Variants in VWC2 observed in about 807,000 individuals in gnomAD.
The protein encoded by VWC2 is von Willebrand factor C domain containing 2, also known as brorin.
Under a neutral mutation model 29.8 loss-of-function variants are expected in VWC2, and 14 were observed. The ratio of observed to expected loss-of-function variants is 0.47; its 90% CI spans 0.31 to 0.74. The LOEUF (loss-of-function observed/expected upper bound fraction) is 0.74. VWC2 is among the 30% of genes least tolerant of loss of function. The probability of loss-of-function intolerance (pLI) is 0.05; values close to 1 mark genes in which losing one functional copy is unlikely to be tolerated. For missense variants in VWC2, 457 were observed against 459.8 expected, an observed-to-expected ratio of 0.99 and a Z score of 0.05; for synonymous variants, 213 against 199.0, an observed-to-expected ratio of 1.07 and a Z score of -0.59.
intron 3 of VWC2, among the ~76,000 whole-genome samples, chr7:49,868,359 G>C: frequency 6.6e-6 from 1 of 152,104 alleles, no homozygotes; most frequent in South Asian, 2.1e-4. Context: ...AAGTATTGAT[G>C]GTTCATTTCC....
chr7:49,822,409 C>T (rs182815802), intron 3 of VWC2, among the ~76,000 whole-genome samples: 5 of 152,148 alleles, frequency 3.3e-5, no homozygotes, highest in Admixed American at 1.3e-4. Flanking sequence ...AGCTGGTGCT[C>T]GGCTTTGTCT....
chr7:49,871,644 G>A (rs1386792716), intron 3 of VWC2, among the ~76,000 whole-genome samples: 1 of 151,904 alleles, frequency 6.6e-6, no homozygotes, highest in East Asian at 1.9e-4. Flanking sequence ...ATATGAGAAT[G>A]GAATGTCATG....
intron 3 of VWC2, among the ~76,000 whole-genome samples, chr7:49,898,584 A>G (rs544421671): frequency 5.4e-4 from 82 of 152,218 alleles, no homozygotes; most frequent in Non-Finnish European, 1.0e-3. Context: ...GTATATACAC[A>G]CACACATATC....
Position 49,783,893 on chromosome 7 carries a change from T to A in VWC2, c.696+7762T>A, listed in dbSNP as rs377440041. On this transcript the variant is annotated intron_variant, in intron 2 of 3. Transcript: ENST00000340652. The stretch of plus-strand genomic sequence containing the variant: ...AGTGAGACCCTGTCTCTAAAAAAAA[T>A]AATAATAATAAAATAAAATAAAGAA... 1.1e-3 allele frequency among the ~76,000 whole-genome samples: 152 copies of A among 144,206 alleles called. No homozygotes were observed. The East Asian group carries it at 0.02, about 19-fold the overall frequency. 94.6% of individuals were successfully genotyped at this position (144,206 alleles called of 152,430 possible).
chr7:49,887,980 C>T (rs763214343), intron 3 of VWC2, among the ~76,000 whole-genome samples: 1 of 151,918 alleles, frequency 6.6e-6, no homozygotes, highest in Non-Finnish European at 1.5e-5. Context: ...TTTCACAATG[C>T]ATTGCCCTTC....
chr7:49,826,693 T>C (rs956209631), intron 3 of VWC2, among the ~76,000 whole-genome samples: 1 of 152,104 alleles, frequency 6.6e-6, no homozygotes, highest in Non-Finnish European at 1.5e-5. Flanking sequence ...TAATGTCTTG[T>C]TGTATACTAC....
intron 2 of VWC2, among the ~76,000 whole-genome samples, chr7:49,800,297 C>T (rs1788708926): frequency 6.6e-6 from 1 of 152,194 alleles, no homozygotes; most frequent in Non-Finnish European, 1.5e-5. Context: ...GGACCTGGAG[C>T]CTTTTTGACG....
intron 2 of VWC2, among the ~76,000 whole-genome samples, chr7:49,778,080 C>T (rs1177384985): frequency 1.3e-5 from 2 of 151,162 alleles, no homozygotes; most frequent in African/African-American, 4.9e-5. Context: ...ACTTACCTAC[C>T]TGAGATCACA....
chr7:49,891,659 G>A (rs1054441586), intron 3 of VWC2, among the ~76,000 whole-genome samples: 6 of 152,094 alleles, frequency 3.9e-5, no homozygotes, highest in African/African-American at 1.2e-4. Context: ...GGATCAACTG[G>A]AGTTCTTATA....
chr7:49,792,930 C>T (rs1455607823), intron 2 of VWC2, among the ~76,000 whole-genome samples: 1 of 152,192 alleles, frequency 6.6e-6, no homozygotes, highest in Non-Finnish European at 1.5e-5. Context: ...GACCAAGTTT[C>T]CCACGTCTCA....
chr7:49,847,715 G>A (rs1789999501), intron 3 of VWC2, among the ~76,000 whole-genome samples: 1 of 152,168 alleles, frequency 6.6e-6, no homozygotes, highest in South Asian at 2.1e-4. Flanking sequence ...GAAGGGGTGA[G>A]GCGGGCTTAG....
intron 3 of VWC2, among the ~76,000 whole-genome samples, chr7:49,900,470 A>C (rs1385345216): frequency 6.6e-6 from 1 of 151,774 alleles, no homozygotes; most frequent in Non-Finnish European, 1.5e-5. Flanking sequence ...AACAAAAGAG[A>C]GGACATCATT....
chr7:49,829,720 A>G (rs1364302850), intron 3 of VWC2, among the ~76,000 whole-genome samples: 5 of 152,200 alleles, frequency 3.3e-5, no homozygotes, highest in Admixed American at 1.3e-4. Context: ...GAGGAGGGCA[A>G]GCTGTGTTAT....
Position 49,864,000 on chromosome 7 carries a change from A to G in VWC2, c.827-48034A>G, listed in dbSNP as rs928007583. ...AAAATATTTTCCCTTTAGTTTTGCA[A>G]AAATCATATATTGTTTATTATAGTG... is the stretch of plus-strand genomic sequence containing the variant. On this transcript the variant is annotated intron_variant, in intron 3 of 3. Transcript: ENST00000340652. 5.3e-5 allele frequency among the ~76,000 whole-genome samples: 8 copies of G among 152,246 alleles called. No individual in the cohort carries two copies. The East Asian group carries it at 1.5e-3, about 29-fold the overall frequency.
intron 3 of VWC2, among the ~76,000 whole-genome samples, chr7:49,853,552 C>T (rs117474973): frequency 0.033 from 4,969 of 151,528 alleles, 306 homozygotes; most frequent in Admixed American, 0.16. Flanking sequence ...TTCTTTATCA[C>T]GGTAGACTAT....
At chr7:49,883,212 C>T (rs889448130) in intron 3 of VWC2, among the ~76,000 whole-genome samples, 4 of 151,956 alleles carry the variant, frequency 2.6e-5, no homozygotes, top group Non-Finnish European at 5.9e-5. Context: ...TCGACTGACC[C>T]GAACCTGCCA....
intron 2 of VWC2, among the ~76,000 whole-genome samples, chr7:49,794,792 G>A (rs1788547840): frequency 6.6e-6 from 1 of 152,020 alleles, no homozygotes; most frequent in Non-Finnish European, 1.5e-5. Context: ...GCATCCTTTG[G>A]ACACCTCTCC....
chr7:49,882,183 TA>T (rs978367735), intron 3 of VWC2, among the ~76,000 whole-genome samples: 2 of 152,172 alleles, frequency 1.3e-5, no homozygotes, highest in African/African-American at 4.8e-5. Flanking sequence ...TTTATTAATT[TA>T]AAAGAGAACA....
chr7:49,791,206 C>A (rs531378569), intron 2 of VWC2, among the ~76,000 whole-genome samples: 1 of 152,318 alleles, frequency 6.6e-6, no homozygotes, highest in South Asian at 2.1e-4. Context: ...TGACTTGCCT[C>A]TACGTGCACC....
Sources: allele counts gnomAD v4.1 joint callset (sites outside exome capture counted in the v4.1 genomes callset), GRCh38; gene constraint gnomAD v4.1.1; transcripts MANE v1.5; gene names NCBI Gene and HGNC (gene_info 2026-07-23, HGNC 2026-07-21).